ROR2: variants seen among roughly 807,000 people sequenced by gnomAD.
ROR2 encodes tyrosine-protein kinase transmembrane receptor ROR2.
ROR2 carries 33 observed loss-of-function variants against 74.9 expected under a neutral mutation model. That is an observed-to-expected ratio of 0.44 (90% CI 0.33 to 0.59). ROR2 has a LOEUF of 0.59. Ranked by LOEUF, ROR2 falls within the 20% of genes least tolerant of loss-of-function variation. ROR2 has a pLI of 0.02. For synonymous variants in ROR2, 586 were observed against 558.7 expected, an observed-to-expected ratio of 1.05 and a Z score of -0.69; for missense variants, 1,216 against 1,313.8, an observed-to-expected ratio of 0.93 and a Z score of 1.15.
chr9:91,841,536 G>C (rs1372436279), intron 1 of ROR2, among the ~76,000 whole-genome samples: 1 of 152,236 alleles, frequency 6.6e-6, no homozygotes, highest in Non-Finnish European at 1.5e-5. Context: ...GGTTTAAGGT[G>C]ATAATGTTTT....
chr9:91,844,327 C>T (rs950902530), intron 1 of ROR2, among the ~76,000 whole-genome samples: 7 of 152,196 alleles, frequency 4.6e-5, no homozygotes, highest in Admixed American at 3.3e-4. Context: ...TCCTCTGGGC[C>T]GGCACACAAG....
At chr9:91,862,202 C>T (rs1309303901) in intron 1 of ROR2, among the ~76,000 whole-genome samples, 5 of 151,978 alleles carry the variant, frequency 3.3e-5, no homozygotes, top group African/African-American at 9.7e-5. Context: ...TGGTGGTGGG[C>T]GCCTGTAGTC....
At chr9:91,908,848 C>G (rs1165603942) in intron 1 of ROR2, among the ~76,000 whole-genome samples, 2 of 152,034 alleles carry the variant, frequency 1.3e-5, no homozygotes, top group African/African-American at 2.4e-5. Flanking sequence ...ATGTAAACAC[C>G]TTATATTTTC....
chr9:91,775,758 G>C lies in ROR2; in HGVS notation c.158C>G (p.Pro53Arg). 6.2e-7 allele frequency: 1 copy of C among 1,614,170 alleles called. No homozygotes were observed. Among genetic ancestry groups the C allele is most frequent in the Non-Finnish European group, 8.5e-7 (1 of 1,180,028 alleles). The part of the protein sequence containing the change: ...PLGPLDGQDG[P>R]IPTLKGYFLN... ...CAGCTCACCTTTCAGAGTTGGAATC[G>C]GGCCGTCCTGCCCATCAAGGGGTCC... The change falls in exon 2 of 9, where the codon CCG becomes CGG. Residue 53 changes from proline (P) to arginine (R), a missense_variant. Transcript: ENST00000375708.
rs973144387 is a variant in ROR2 at position 91,796,456 on chromosome 9, C to T, written c.98-20638G>A. On this transcript the variant is annotated intron_variant, in intron 1 of 8. Transcript: ENST00000375708. ...CCAAGGAAAAAAAAAAAAAAAAAAACATTTTCACATGTTTTACCTTTTCTT... is the reference window on the plus strand; with the variant it reads ...CCAAGGAAAAAAAAAAAAAAAAAAATATTTTCACATGTTTTACCTTTTCTT... 6.7e-4 allele frequency among the ~76,000 whole-genome samples: 87 copies of T among 129,660 alleles called. No individual in the cohort carries two copies. The East Asian group carries it at 0.018, about 27-fold the overall frequency. 85.1% of individuals were successfully genotyped at this position (129,660 alleles called of 152,430 possible).
At chr9:91,931,580 T>C (rs934655653) in intron 1 of ROR2, among the ~76,000 whole-genome samples, 1 of 152,190 alleles carries the variant, frequency 6.6e-6, no homozygotes, top group African/African-American at 2.4e-5. Flanking sequence ...ACTGAGATTA[T>C]ATCTAAGGTC....
At chr9:91,820,467 C>G (rs2119144530) in intron 1 of ROR2, among the ~76,000 whole-genome samples, 1 of 152,278 alleles carries the variant, frequency 6.6e-6, no homozygotes, top group Non-Finnish European at 1.5e-5. Flanking sequence ...CAGCCCTGAG[C>G]AGAGAAAATG....
intron 1 of ROR2, among the ~76,000 whole-genome samples, chr9:91,818,057 C>T (rs79939737): frequency 0.094 from 14,378 of 152,186 alleles, 1,129 homozygotes; most frequent in East Asian, 0.21. Context: ...TTCTAAACTC[C>T]GTGTTTGTTT....
rs548191085 is a variant in ROR2 at position 91,748,763 on chromosome 9, T to G, written c.494+7308A>C. Among the ~76,000 whole-genome samples the G allele has an allele frequency of 2.0e-5, 3 of 152,358 alleles. No individual in the cohort carries two copies. The South Asian group carries it at 6.2e-4, about 32-fold the overall frequency. ...CAAAGGGCACAGAGGCCGGGCCTGG[T>G]GGCTCACGCCTGCAATCCCAGCATT... On this transcript the variant is annotated intron_variant, in intron 4 of 8. Transcript: ENST00000375708.
At chr9:91,853,867 C>T (rs754502365) in intron 1 of ROR2, among the ~76,000 whole-genome samples, 4 of 152,172 alleles carry the variant, frequency 2.6e-5, no homozygotes, top group Non-Finnish European at 5.9e-5. Flanking sequence ...AAGGAAGCAG[C>T]AAGCTGTGAG....
At chr9:91,843,737 G>A (rs1477241303) in intron 1 of ROR2, among the ~76,000 whole-genome samples, 1 of 152,234 alleles carries the variant, frequency 6.6e-6, no homozygotes, top group East Asian at 1.9e-4. Context: ...GTAGAGACAA[G>A]CCCCGTGGCA....
chr9:91,849,858 T>C (rs899039408), intron 1 of ROR2, among the ~76,000 whole-genome samples: 9 of 152,246 alleles, frequency 5.9e-5, no homozygotes, highest in Non-Finnish European at 1.2e-4. Context: ...ATAGCATCAC[T>C]ATCTGCATGC....
At chr9:91,857,163 G>A (rs1175349465) in intron 1 of ROR2, among the ~76,000 whole-genome samples, 6 of 152,244 alleles carry the variant, frequency 3.9e-5, no homozygotes, top group Non-Finnish European at 7.3e-5. Flanking sequence ...CCATCGGGGA[G>A]GCCACCCAGC....
intron 1 of ROR2, among the ~76,000 whole-genome samples, chr9:91,809,358 T>C (rs1827671281): frequency 6.6e-6 from 1 of 152,244 alleles, no homozygotes; most frequent in South Asian, 2.1e-4. Flanking sequence ...CCCTCTGCCA[T>C]TGTGAACCCA....
At chr9:91,842,771 A>T (rs1587773279) in intron 1 of ROR2, among the ~76,000 whole-genome samples, 1 of 152,036 alleles carries the variant, frequency 6.6e-6, no homozygotes. Context: ...CCCAGAGGCC[A>T]CCTCCAGCCA....
chr9:91,918,168 T>G (rs1261850175), intron 1 of ROR2, among the ~76,000 whole-genome samples: 1 of 151,002 alleles, frequency 6.6e-6, no homozygotes, highest in African/African-American at 2.4e-5. Flanking sequence ...CTTGGGAGGC[T>G]GAGGCAGGAG....
intron 1 of ROR2, among the ~76,000 whole-genome samples, chr9:91,949,349 G>A (rs1029433935): frequency 6.6e-6 from 1 of 150,954 alleles, no homozygotes; most frequent in African/African-American, 2.4e-5. Context: ...CACCCCCGCC[G>A]CAAGAGCCGC....
chr9:91,862,485 C>T (rs1029556427), intron 1 of ROR2, among the ~76,000 whole-genome samples: 14 of 152,026 alleles, frequency 9.2e-5, no homozygotes, highest in South Asian at 4.2e-4. Context: ...CACTGAGGCC[C>T]TGTCTCTACA....
intron 1 of ROR2, among the ~76,000 whole-genome samples, chr9:91,912,014 T>C (rs867570823): frequency 6.7e-6 from 1 of 148,476 alleles, no homozygotes; most frequent in Admixed American, 6.7e-5. Context: ...CTCCAAAGTG[T>C]CAAGGTCAGG....
Sources: gnomAD v4.1 joint callset for allele counts (sites outside exome capture counted in the v4.1 genomes callset) on GRCh38, gnomAD v4.1.1 for gene constraint, MANE v1.5 for transcripts, NCBI Gene and HGNC (gene_info 2026-07-23, HGNC 2026-07-21) for gene names.